The following DRC8 variants were observed in gnomAD, a reference collection of about 807,000 sequenced individuals.
DRC8 encodes the protein dynein regulatory complex subunit 8, also known as dynein regulatory complex protein 8.
chr1:245,053,249 G>A, the DRC8 span, among the ~76,000 whole-genome samples: 4 of 152,146 alleles, frequency 2.6e-5, no homozygotes, highest in South Asian at 2.1e-4. Context: ...TTTTGCTTAC[G>A]GTTGTAGTTT....
chr1:245,047,602 T>A, the DRC8 span, among the ~76,000 whole-genome samples: 3 of 134,574 alleles, frequency 2.2e-5, no homozygotes, highest in Admixed American at 8.6e-5. Context: ...GCCACGGCAC[T>A]CCAGCCTGGT....
At chr1:245,090,491 C>T in the DRC8 span, among the ~76,000 whole-genome samples, 17 of 152,296 alleles carry the variant, frequency 1.1e-4, no homozygotes, top group Admixed American at 5.9e-4. Flanking sequence ...AAGTGCTTGA[C>T]GTACATGAAC....
the DRC8 span, among the ~76,000 whole-genome samples, chr1:244,971,344 A>G: frequency 6.6e-6 from 1 of 152,240 alleles, no homozygotes; most frequent in Non-Finnish European, 1.5e-5. Flanking sequence ...GGCCGCCTGC[A>G]GAGGCGGGAC....
the DRC8 span, among the ~76,000 whole-genome samples, chr1:244,994,086 T>C: frequency 6.6e-6 from 1 of 152,188 alleles, no homozygotes; most frequent in African/African-American, 2.4e-5. Flanking sequence ...CCAGAAGTGA[T>C]TCTAGGTGGC....
chr1:244,983,807 T>A, the DRC8 span, among the ~76,000 whole-genome samples: 9 of 151,796 alleles, frequency 5.9e-5, no homozygotes, highest in Admixed American at 3.9e-4. Flanking sequence ...AACCTAACAT[T>A]AATACTTATG....
the DRC8 span, among the ~76,000 whole-genome samples, chr1:245,029,583 G>C: frequency 6.6e-6 from 1 of 150,944 alleles, no homozygotes; most frequent in Admixed American, 6.6e-5. Context: ...ACAGGTGTGA[G>C]CCACTGTGCC....
At chr1:245,076,065 C>T in the DRC8 span, among the ~76,000 whole-genome samples, 4 of 152,196 alleles carry the variant, frequency 2.6e-5, no homozygotes, top group African/African-American at 7.2e-5. Context: ...ATTTAATTGC[C>T]ACATTCCACG....
the DRC8 span, among the ~76,000 whole-genome samples, chr1:245,067,429 G>T: frequency 2.6e-5 from 4 of 152,260 alleles, no homozygotes; most frequent in South Asian, 8.3e-4. Context: ...CATTTATAGT[G>T]TTGAGACAAC....
chr1:245,045,023 G>A, the DRC8 span, among the ~76,000 whole-genome samples: 1 of 151,998 alleles, frequency 6.6e-6, no homozygotes, highest in Non-Finnish European at 1.5e-5. Context: ...ATTTATTTAT[G>A]TTGAGACAGA....
chr1:245,048,210 G>A, the DRC8 span, among the ~76,000 whole-genome samples: 2 of 152,094 alleles, frequency 1.3e-5, no homozygotes, highest in Non-Finnish European at 2.9e-5. Flanking sequence ...TCTTTTACCT[G>A]CAAGGAATGG....
At chr1:245,060,523 T>C in the DRC8 span, among the ~76,000 whole-genome samples, 2 of 152,186 alleles carry the variant, frequency 1.3e-5, no homozygotes, top group Non-Finnish European at 1.5e-5. Flanking sequence ...CCTTTTGGGA[T>C]TCAATAAAGC....
the DRC8 span, among the ~76,000 whole-genome samples, chr1:245,006,185 T>C: frequency 6.6e-6 from 1 of 152,210 alleles, no homozygotes; most frequent in African/African-American, 2.4e-5. Flanking sequence ...ATTTGCATTT[T>C]AGATCATCCT....
the DRC8 span, among the ~76,000 whole-genome samples, chr1:245,024,551 C>CT: frequency 0.031 from 4,379 of 140,646 alleles, 153 homozygotes; most frequent in African/African-American, 0.08. Context: ...TTTTCTTTCT[C>CT]TTTTTTTTTT....
the DRC8 span, chr1:245,122,314 G>A: frequency 1.9e-5 from 3 of 162,146 alleles, no homozygotes; most frequent in Non-Finnish European, 2.7e-5. Flanking sequence ...GGCGTTGAAT[G>A]TGGTACACCT....
chr1:245,092,730 G>A, the DRC8 span, among the ~76,000 whole-genome samples: 3 of 152,142 alleles, frequency 2.0e-5, no homozygotes, highest in Admixed American at 2.0e-4. Context: ...CTCTGATATT[G>A]AATGAAAGTG....
chr1:245,098,293 G>T, the DRC8 span, among the ~76,000 whole-genome samples: 1 of 152,084 alleles, frequency 6.6e-6, no homozygotes, highest in Admixed American at 6.6e-5. Flanking sequence ...GTCTATATAA[G>T]TCTGGAGCTC....
At chr1:245,043,441 A>G in the DRC8 span, among the ~76,000 whole-genome samples, 3 of 151,822 alleles carry the variant, frequency 2.0e-5, no homozygotes, top group Non-Finnish European at 4.4e-5. Flanking sequence ...TCAAAGGAAA[A>G]AAAAAAAGAA....
the DRC8 span, among the ~76,000 whole-genome samples, chr1:245,011,232 C>CT: frequency 6.6e-6 from 1 of 152,126 alleles, no homozygotes; most frequent in Non-Finnish European, 1.5e-5. Context: ...AAAAATATCA[C>CT]TATGTCAGCC....
chr1:245,015,201 C>T, the DRC8 span, among the ~76,000 whole-genome samples: 17 of 152,198 alleles, frequency 1.1e-4, no homozygotes, highest in Non-Finnish European at 2.2e-4. Flanking sequence ...ACTGCAGCCT[C>T]GACCTGCTGA....
Sources: allele counts gnomAD v4.1 joint callset (sites outside exome capture counted in the v4.1 genomes callset), GRCh38; gene constraint gnomAD v4.1.1; transcripts MANE v1.5; gene names NCBI Gene and HGNC (gene_info 2026-07-23, HGNC 2026-07-21).